The following TENM1 variants were observed in gnomAD, a reference collection of about 807,000 sequenced individuals.
TENM1 encodes the protein teneurin-1.
TENM1 carries 35 observed loss-of-function variants against 174.8 expected under a neutral mutation model. The observed-to-expected ratio is 0.20, with a 90% CI of 0.15 to 0.27. The LOEUF (loss-of-function observed/expected upper bound fraction) is 0.27. Ranked by LOEUF, TENM1 falls within the 10% of genes least tolerant of loss-of-function variation. The pLI is 1.00. For synonymous variants in TENM1, 781 were observed against 798.7 expected (o/e 0.98, Z 0.37); for missense variants, 1,633 against 2,130.1 (o/e 0.77, Z 4.59).
chrX:124,544,725 TAAGGACCC>T (rs1277888997), intron 15 of TENM1, among the ~76,000 whole-genome samples: 5 of 111,949 alleles, frequency 4.5e-5, no homozygotes, highest in Non-Finnish European at 9.4e-5. Flanking sequence ...CAGGCTTATT[TAAGGACCC>T]ATTGAAATGG....
intron 3 of TENM1, among the ~76,000 whole-genome samples, chrX:124,788,486 T>C (rs1382072352): frequency 8.9e-6 from 1 of 112,225 alleles, no homozygotes. Flanking sequence ...ATGAGGCAAG[T>C]CCCTTCCTCC....
At chrX:125,142,170 C>T in the TENM1 span, among the ~76,000 whole-genome samples, 3 of 111,567 alleles carry the variant, frequency 2.7e-5, no homozygotes, top group African/African-American at 6.5e-5. Context: ...TTGCTTTTTA[C>T]GCTTAATTTT....
At chrX:124,401,054 T>A (rs1283281309) in intron 27 of TENM1, among the ~76,000 whole-genome samples, 1 of 111,772 alleles carries the variant, frequency 8.9e-6, no homozygotes, top group Non-Finnish European at 1.9e-5. Flanking sequence ...ATCCCTTGCC[T>A]GCTCAGGCTG....
intron 20 of TENM1, among the ~76,000 whole-genome samples, chrX:124,491,719 T>C (rs1484065447): frequency 8.9e-6 from 1 of 112,158 alleles, no homozygotes; most frequent in Non-Finnish European, 1.9e-5. Flanking sequence ...AATAAATGAT[T>C]GGCAACCAAT....
intron 2 of TENM1, among the ~76,000 whole-genome samples, chrX:124,894,629 G>A (rs2057531578): frequency 9.0e-6 from 1 of 111,680 alleles, no homozygotes. Context: ...TAGAAGAATA[G>A]CAGAGCCCAG....
chrX:124,395,703 T>C (rs1477558767), intron 27 of TENM1, among the ~76,000 whole-genome samples: 1 of 112,044 alleles, frequency 8.9e-6, no homozygotes, highest in Non-Finnish European at 1.9e-5. Context: ...ATTTCCTGTC[T>C]TTTGATACAA....
At chrX:124,975,666 T>G in the TENM1 span, among the ~76,000 whole-genome samples, 1 of 111,929 alleles carries the variant, frequency 8.9e-6, no homozygotes, top group Non-Finnish European at 1.9e-5. Context: ...GAGACTCATT[T>G]TCAATTATGC....
chrX:124,583,369 A>G (rs779947619), intron 11 of TENM1, among the ~76,000 whole-genome samples: 1,149 of 111,485 alleles, frequency 0.01, 21 homozygotes, highest in African/African-American at 0.035. Context: ...AGCACCATTC[A>G]CGGTTCATGA....
chrX:124,497,234 C>G, exon 20 of TENM1: 1 of 1,208,283 alleles, frequency 8.3e-7, no homozygotes, highest in East Asian at 3.0e-5. Flanking sequence ...GGGAAATGAA[C>G]ATATTTTCTC....
At chrX:124,609,448 C>T (rs374723146) in intron 11 of TENM1, among the ~76,000 whole-genome samples, 1 of 110,867 alleles carries the variant, frequency 9.0e-6, no homozygotes, top group Non-Finnish European at 1.9e-5. Context: ...AGACATGCTA[C>T]GCCTTTGGTT....
intron 15 of TENM1, among the ~76,000 whole-genome samples, chrX:124,545,528 T>C (rs1189897505): frequency 1.8e-5 from 2 of 112,075 alleles, no homozygotes; most frequent in Admixed American, 9.4e-5. Context: ...TCATTTCTTT[T>C]TTTTGGATCA....
chrX:124,627,028 T>C (rs12116259), intron 11 of TENM1, among the ~76,000 whole-genome samples: 172 of 112,174 alleles, frequency 1.5e-3, no homozygotes, highest in African/African-American at 5.3e-3. Context: ...ACATTAATCA[T>C]TTCTTCACTA....
chrX:124,415,344 T>G (rs2060582155), intron 25 of TENM1, among the ~76,000 whole-genome samples: 2 of 111,730 alleles, frequency 1.8e-5, no homozygotes. Context: ...CAGATGCTAT[T>G]TGACCAAGAG....
intron 5 of TENM1, among the ~76,000 whole-genome samples, chrX:124,694,614 C>A (rs1345642016): frequency 8.9e-6 from 1 of 112,140 alleles, no homozygotes; most frequent in Non-Finnish European, 1.9e-5. Flanking sequence ...TTATATAATA[C>A]ATATGCAGAC....
At chrX:124,843,376 C>T (rs1364534927) in intron 3 of TENM1, among the ~76,000 whole-genome samples, 1 of 111,507 alleles carries the variant, frequency 9.0e-6, no homozygotes, top group Non-Finnish European at 1.9e-5. Context: ...GTTGTTACTG[C>T]TATTTGCAAT....
chrX:125,101,686 T>C, the TENM1 span, among the ~76,000 whole-genome samples: 63 of 112,279 alleles, frequency 5.6e-4, no homozygotes, highest in African/African-American at 1.8e-3. Context: ...TGCTACATCA[T>C]GTTTTCTGTG....
the TENM1 span, among the ~76,000 whole-genome samples, chrX:125,076,630 T>C: frequency 9.0e-6 from 1 of 111,492 alleles, no homozygotes; most frequent in African/African-American, 3.3e-5. Context: ...GCATAGGCAG[T>C]GTTTGGATTA....
chrX:124,713,787 C>T (rs2053117949), intron 4 of TENM1, among the ~76,000 whole-genome samples: 1 of 111,938 alleles, frequency 8.9e-6, no homozygotes, highest in Non-Finnish European at 1.9e-5. Context: ...GGTCTTGAAT[C>T]ACTATGCAGA....
chrX:124,384,652 A>G (rs773875588), exon 30 of TENM1: 2 of 1,209,995 alleles, frequency 1.7e-6, no homozygotes, highest in East Asian at 3.0e-5. Context: ...CCTGATTTAA[A>G]TCGTAATTAA....
Sources: gnomAD v4.1 joint callset for allele counts (sites outside exome capture counted in the v4.1 genomes callset) on GRCh38, gnomAD v4.1.1 for gene constraint, MANE v1.5 for transcripts, NCBI Gene and HGNC (gene_info 2026-07-23, HGNC 2026-07-21) for gene names.